The following RANBP17 variants were observed in gnomAD, a reference collection of about 807,000 sequenced individuals.
RANBP17 encodes RAN binding protein 17, also known as ran-binding protein 17.
Under a neutral mutation model 141.2 loss-of-function variants are expected in RANBP17, and 158 were observed. That is an observed-to-expected ratio of 1.12 (90% confidence interval 0.98 to 1.28). RANBP17 has a LOEUF of 1.28. RANBP17 is among the 50% of genes most tolerant of loss of function. The probability of loss-of-function intolerance (pLI) is 0.00; values close to 1 mark genes in which losing one functional copy is unlikely to be tolerated. For missense variants in RANBP17, 1,438 were observed against 1,290.7 expected, an observed-to-expected ratio of 1.11 and a Z score of -1.75; for synonymous variants, 430 against 450.0, an observed-to-expected ratio of 0.96 and a Z score of 0.56.
chr5:171,130,625 G>A (rs1272043425), intron 14 of RANBP17, among the ~76,000 whole-genome samples: 2 of 151,448 alleles, frequency 1.3e-5, no homozygotes, highest in Non-Finnish European at 2.9e-5. Context: ...TAGTAGAGAC[G>A]GGGTTTCTGC....
chr5:170,984,497 C>G (rs1777986963), intron 14 of RANBP17, among the ~76,000 whole-genome samples: 1 of 151,882 alleles, frequency 6.6e-6, no homozygotes, highest in Non-Finnish European at 1.5e-5. Flanking sequence ...CATGGTGACA[C>G]ACGGCTGTAG....
intron 24 of RANBP17, chr5:171,252,650 T>G: frequency 2.9e-6 from 4 of 1,390,582 alleles, no homozygotes; most frequent in South Asian, 1.2e-5. Context: ...CAGGTAGTTT[T>G]TCCTTTAAAA....
At chr5:171,012,882 T>C (rs1045039029) in intron 14 of RANBP17, among the ~76,000 whole-genome samples, 2 of 152,220 alleles carry the variant, frequency 1.3e-5, no homozygotes, top group Non-Finnish European at 2.9e-5. Context: ...ACAGAATAGT[T>C]ACATTTTAAT....
At chr5:171,067,070 A>G (rs971776333) in intron 14 of RANBP17, among the ~76,000 whole-genome samples, 2 of 152,058 alleles carry the variant, frequency 1.3e-5, no homozygotes, top group South Asian at 2.1e-4. Context: ...CTGTTTTTCT[A>G]TATGCTTTTG....
In RANBP17 at chr5:171,024,542, G is replaced by A. The variant is rs866869153; in HGVS notation, c.1710+56165G>A. ...AAGAAGCACACCACTTGCTGATTGA[G>A]CTGAGATCACCACTGACTACATTAC... is the stretch of plus-strand genomic sequence containing the variant. On this transcript the variant is annotated intron_variant, in intron 14 of 27. Transcript: ENST00000523189. 1.3e-5 allele frequency among the ~76,000 whole-genome samples: 2 copies of A among 152,236 alleles called. 1 individual carries two copies. Among genetic ancestry groups the A allele is most frequent in the South Asian group, 4.1e-4 (2 of 4,820 alleles).
chr5:171,030,842 G>A (rs1378586853), intron 14 of RANBP17, among the ~76,000 whole-genome samples: 1 of 151,952 alleles, frequency 6.6e-6, no homozygotes, highest in Non-Finnish European at 1.5e-5. Flanking sequence ...TAATTTTGTA[G>A]AAATTAGCAG....
intron 3 of RANBP17, 27 bp downstream of exon 3, chr5:170,881,923 C>T: frequency 2.1e-6 from 3 of 1,430,232 alleles, no homozygotes; most frequent in Non-Finnish European, 2.9e-6. Context: ...GCTTTTTAAC[C>T]AACTGCGCTT....
chr5:171,054,625 G>C (rs866260026), intron 14 of RANBP17, among the ~76,000 whole-genome samples: 3 of 152,240 alleles, frequency 2.0e-5, no homozygotes, highest in South Asian at 2.1e-4. Context: ...TTGTCAGCAA[G>C]GACTTTGTGA....
chr5:171,106,926 A>AT (rs1404402653), intron 14 of RANBP17, among the ~76,000 whole-genome samples: 2 of 152,042 alleles, frequency 1.3e-5, no homozygotes, highest in East Asian at 1.9e-4. Flanking sequence ...TAAAATTAGA[A>AT]TTTTTTCTGA....
At chr5:171,147,827 C>T (rs1393137457) in intron 14 of RANBP17, among the ~76,000 whole-genome samples, 10 of 152,140 alleles carry the variant, frequency 6.6e-5, no homozygotes, top group Non-Finnish European at 1.0e-4. Context: ...TGCCTCTGCC[C>T]GGCCGCCCTT....
chr5:170,990,587 A>G (rs1004307037), intron 14 of RANBP17, among the ~76,000 whole-genome samples: 3 of 151,968 alleles, frequency 2.0e-5, no homozygotes, highest in African/African-American at 7.2e-5. Flanking sequence ...TGGTAAAAAA[A>G]TATACTGTTT....
intron 14 of RANBP17, among the ~76,000 whole-genome samples, chr5:171,039,913 G>T (rs1782146198): frequency 6.6e-6 from 1 of 152,140 alleles, no homozygotes; most frequent in African/African-American, 2.4e-5. Flanking sequence ...CCGCAGATCA[G>T]ATGGATTCAC....
At chr5:171,110,801 T>C (rs1228211718) in intron 14 of RANBP17, among the ~76,000 whole-genome samples, 2 of 152,050 alleles carry the variant, frequency 1.3e-5, no homozygotes, top group African/African-American at 4.8e-5. Flanking sequence ...CAGAGTCTCT[T>C]TATAGATTTT....
Position 171,265,806 on chromosome 5 carries a change from C to CT in RANBP17, c.2903dup (p.Leu969IlefsTer25), listed in dbSNP as rs755078715. ...AGAGGCTACCCAGGCTGGTCAGAGACTATTACATTTTATGCAGCAAAACCC... is the reference window on the plus strand; with the variant it reads ...AGAGGCTACCCAGGCTGGTCAGAGACTTATTACATTTTATGCAGCAAAACCC... On this transcript the variant is annotated frameshift_variant, in exon 25 of 28. Coordinates refer to ENST00000523189, the MANE Select transcript of RANBP17 (RefSeq NM_022897.5). LOFTEE classifies it high-confidence loss of function. 7.4e-6 allele frequency: 12 copies of CT among 1,613,840 alleles called. No individual in the cohort carries two copies. In the African/African-American group the frequency reaches 1.5e-4, roughly 20 times the overall value.
At chr5:171,137,947 T>TGA (rs960565945) in intron 14 of RANBP17, among the ~76,000 whole-genome samples, 20 of 96,054 alleles carry the variant, frequency 2.1e-4, no homozygotes, top group Non-Finnish European at 2.6e-4. Flanking sequence ...GTGTGATATA[T>TGA]GAGATATATA....
intron 14 of RANBP17, among the ~76,000 whole-genome samples, chr5:171,008,803 T>C (rs1364188661): frequency 2.6e-5 from 4 of 152,082 alleles, no homozygotes; most frequent in Non-Finnish European, 4.4e-5. Context: ...TACAGGCAGG[T>C]CACAGGGGAT....
Position 171,221,805 on chromosome 5 carries a change from T to G in RANBP17, c.2387T>G (p.Leu796Arg). Residue 796 changes from leucine (L) to arginine (R), a missense_variant, in exon 22 of 28, where the codon CTC (leucine) becomes CGC (arginine). Physicochemically the swap from Leu to Arg is moderately radical, Grantham distance 102. Transcript: ENST00000523189. ...GTATCATCTCCTAATGGAATTCTTC[T>G]CTTCAGAGAAGCTAGTAAAATGGTT... ...FDVSSPNGIL[L>R]FREASKMVCT... 4 of 1,610,428 alleles carry G rather than the reference T, an allele frequency of 2.5e-6. No homozygotes were observed. Among genetic ancestry groups the G allele is most frequent in the Non-Finnish European group, 3.4e-6 (4 of 1,177,050 alleles).
At position 171,119,624 on chromosome 5, in the gene RANBP17, G is replaced by C. The variant is rs545670292; in HGVS notation, c.1711-50506G>C. The stretch of plus-strand genomic sequence containing the variant: ...CCCATTCCAGATGATACTAGCTGTG[G>C]GTCTGTCATATATGGCTTTTATTAT... On this transcript the variant is annotated intron_variant, in intron 14 of 27. Transcript: ENST00000523189. 2.4e-4 allele frequency among the ~76,000 whole-genome samples: 36 copies of C among 152,184 alleles called. 1 individual carries two copies. In the South Asian group the frequency reaches 7.3e-3, roughly 31 times the overall value.
chr5:171,233,025 A>G (rs1319829262), intron 22 of RANBP17, among the ~76,000 whole-genome samples: 1 of 152,096 alleles, frequency 6.6e-6, no homozygotes, highest in Non-Finnish European at 1.5e-5. Context: ...CAGTGGGCAA[A>G]CCAAAAAAGA....
Sources: allele counts gnomAD v4.1 joint callset (sites outside exome capture counted in the v4.1 genomes callset), GRCh38; gene constraint gnomAD v4.1.1; transcripts MANE v1.5; gene names NCBI Gene and HGNC (gene_info 2026-07-23, HGNC 2026-07-21).